The following TENM2 variants were observed in gnomAD, a reference collection of about 807,000 sequenced individuals.
The protein encoded by TENM2 is teneurin transmembrane protein 2.
In TENM2, 52 loss-of-function variants were observed where a neutral mutation model predicts 245.2. The ratio of observed to expected loss-of-function variants is 0.21; its 90% CI spans 0.17 to 0.27. TENM2 has a LOEUF of 0.27. TENM2 is among the 10% of genes least tolerant of loss of function. The pLI, the probability that TENM2 is intolerant of heterozygous loss-of-function variation, is 1.00. For missense variants in TENM2, 3,046 were observed against 3,666.8 expected (o/e 0.83, Z 4.37); for synonymous variants, 1,363 against 1,438.9 (o/e 0.95, Z 1.19).
the TENM2 span, among the ~76,000 whole-genome samples, chr5:167,232,639 G>A: frequency 6.6e-6 from 1 of 152,270 alleles, no homozygotes; most frequent in Non-Finnish European, 1.5e-5. Context: ...CCACAGTGCT[G>A]GGATTACAGG....
intron 4 of TENM2, among the ~76,000 whole-genome samples, chr5:167,975,452 AT>A (rs34381656): frequency 0.11 from 15,969 of 144,102 alleles, 1,273 homozygotes; most frequent in East Asian, 0.45. Context: ...TCTTAGTGGC[AT>A]TTTTTTTTTT....
intron 2 of TENM2, among the ~76,000 whole-genome samples, chr5:167,709,763 T>C (rs957498333): frequency 2.0e-5 from 3 of 152,152 alleles, no homozygotes; most frequent in African/African-American, 7.2e-5. Flanking sequence ...AGAAAATGGC[T>C]CTTTTAGGAG....
At chr5:167,109,364 TTTCTG>T in the TENM2 span, among the ~76,000 whole-genome samples, 1 of 151,788 alleles carries the variant, frequency 6.6e-6, no homozygotes, top group Admixed American at 6.6e-5. Context: ...GCTTAAAAGA[TTTCTG>T]AAACTATTGC....
At chr5:167,352,874 A>G (rs993390539) in intron 1 of TENM2, among the ~76,000 whole-genome samples, 1 of 152,198 alleles carries the variant, frequency 6.6e-6, no homozygotes, top group African/African-American at 2.4e-5. Context: ...TCTATCACCA[A>G]GTTCTGAAGT....
intron 2 of TENM2, among the ~76,000 whole-genome samples, chr5:167,523,402 G>A (rs1770895258): frequency 6.6e-6 from 1 of 152,052 alleles, no homozygotes; most frequent in South Asian, 2.1e-4. Flanking sequence ...CCGTGTTGTA[G>A]GATCTTCCCA....
At chr5:168,062,187 A>G in exon 7 of TENM2, 1 of 1,613,882 alleles carries the variant, frequency 6.2e-7, no homozygotes, top group South Asian at 1.1e-5. Context: ...CCCAGTTCTT[A>G]AAGTTCAACA....
intron 2 of TENM2, among the ~76,000 whole-genome samples, chr5:167,379,396 C>G (rs1760957962): frequency 6.6e-6 from 1 of 152,030 alleles, no homozygotes; most frequent in Non-Finnish European, 1.5e-5. Context: ...TTCCTTAGCA[C>G]CGGGGACAAT....
chr5:167,730,987 C>T (rs900124087), intron 2 of TENM2, among the ~76,000 whole-genome samples: 19 of 152,238 alleles, frequency 1.2e-4, no homozygotes, highest in African/African-American at 4.3e-4. Flanking sequence ...TGAAATACGA[C>T]CTAGGATGCA....
chr5:167,034,396 C>T, the TENM2 span, among the ~76,000 whole-genome samples: 1 of 151,690 alleles, frequency 6.6e-6, no homozygotes, highest in East Asian at 1.9e-4. Context: ...TTTGGGAGGC[C>T]GAGGCGGGTG....
At chr5:167,289,427 C>G (rs1322708982) in intron 1 of TENM2, among the ~76,000 whole-genome samples, 1 of 152,136 alleles carries the variant, frequency 6.6e-6, no homozygotes, top group South Asian at 2.1e-4. Flanking sequence ...TTTCTCTGTA[C>G]GTCAGGCTGG....
At chr5:167,044,032 GGACA>G in the TENM2 span, among the ~76,000 whole-genome samples, 12,414 of 59,112 alleles carry the variant, frequency 0.21, 1,227 homozygotes, top group African/African-American at 0.48. Flanking sequence ...TAAATAGTAA[GGACA>G]GAAGGAAGGA....
intron 13 of TENM2, among the ~76,000 whole-genome samples, chr5:168,179,706 C>T (rs1053534664): frequency 6.6e-6 from 1 of 152,160 alleles, no homozygotes; most frequent in Non-Finnish European, 1.5e-5. Flanking sequence ...GGTCCAAAAC[C>T]CAGTCCTACC....
intron 5 of TENM2, among the ~76,000 whole-genome samples, chr5:168,022,571 T>C (rs561513349): frequency 1.3e-5 from 2 of 152,330 alleles, no homozygotes; most frequent in South Asian, 4.1e-4. Context: ...TAAGTTTTGC[T>C]TTGTGCATTT....
chr5:167,702,710 G>C (rs926529536), intron 2 of TENM2, among the ~76,000 whole-genome samples: 2 of 151,746 alleles, frequency 1.3e-5, no homozygotes, highest in Non-Finnish European at 2.9e-5. Flanking sequence ...AGACTCTCAG[G>C]CTGGAGTGCA....
At chr5:167,337,750 G>A (rs1001955690) in intron 1 of TENM2, among the ~76,000 whole-genome samples, 1 of 152,146 alleles carries the variant, frequency 6.6e-6, no homozygotes, top group Non-Finnish European at 1.5e-5. Context: ...AAAGTAGTGG[G>A]GTGATGTCAA....
chr5:167,360,234 G>A (rs760414592), intron 1 of TENM2, among the ~76,000 whole-genome samples: 5 of 152,114 alleles, frequency 3.3e-5, no homozygotes, highest in East Asian at 1.9e-4. Flanking sequence ...GCACTGTATC[G>A]CCCTAAAAAA....
chr5:167,523,621 G>T (rs748002746), intron 2 of TENM2, among the ~76,000 whole-genome samples: 2 of 152,000 alleles, frequency 1.3e-5, no homozygotes, highest in South Asian at 4.1e-4. Flanking sequence ...TATTCTATGC[G>T]CCACATTTGC....
At chr5:167,427,172 G>A (rs997844044) in intron 2 of TENM2, among the ~76,000 whole-genome samples, 3 of 152,144 alleles carry the variant, frequency 2.0e-5, no homozygotes, top group Non-Finnish European at 4.4e-5. Context: ...GAAACAGAAA[G>A]GCCGGGCGCG....
intron 2 of TENM2, among the ~76,000 whole-genome samples, chr5:167,551,086 C>T (rs1772911218): frequency 6.6e-6 from 1 of 152,134 alleles, no homozygotes; most frequent in Non-Finnish European, 1.5e-5. Context: ...TCTAAAGTCC[C>T]TGTCATTATG....
Sources: gnomAD v4.1 joint callset for allele counts (sites outside exome capture counted in the v4.1 genomes callset) on GRCh38, gnomAD v4.1.1 for gene constraint, MANE v1.5 for transcripts, NCBI Gene and HGNC (gene_info 2026-07-23, HGNC 2026-07-21) for gene names.